AXIN1: variants seen among roughly 807,000 people sequenced by gnomAD.
The protein encoded by AXIN1 is axin 1.
In AXIN1, 30 loss-of-function variants were observed where a neutral mutation model predicts 76.4. The ratio of observed to expected loss-of-function variants is 0.39; its 90% confidence interval spans 0.29 to 0.53. AXIN1 has a LOEUF of 0.53. Ranked by LOEUF, AXIN1 falls within the 20% of genes least tolerant of loss-of-function variation. The probability of loss-of-function intolerance (pLI) is 0.66; values close to 1 mark genes in which losing one functional copy is unlikely to be tolerated. For missense variants in AXIN1, 1,140 were observed against 1,198.8 expected (o/e 0.95, Z 0.72); for synonymous variants, 545 against 501.4 (o/e 1.09, Z -1.16).
At chr16:332,225 G>A (rs1005090086) in intron 2 of AXIN1, among the ~76,000 whole-genome samples, 1 of 152,218 alleles carries the variant, frequency 6.6e-6, no homozygotes, top group Non-Finnish European at 1.5e-5. Flanking sequence ...TAGAGAACTC[G>A]CAGCAGCAAC....
At chr16:336,996 A>G (rs1013192426) in intron 2 of AXIN1, among the ~76,000 whole-genome samples, 1 of 151,368 alleles carries the variant, frequency 6.6e-6, no homozygotes, top group African/African-American at 2.4e-5. Flanking sequence ...AAAAACACAA[A>G]AAAATTAGCC....
intron 2 of AXIN1, among the ~76,000 whole-genome samples, chr16:315,851 A>AAAC (rs1368166703): frequency 1.3e-5 from 2 of 149,464 alleles, no homozygotes; most frequent in African/African-American, 4.9e-5. Context: ...AAAAAAAAAA[A>AAAC]AGAACAGCCT....
chr16:297,519 T>G (rs2052746849), intron 6 of AXIN1, among the ~76,000 whole-genome samples: 1 of 152,200 alleles, frequency 6.6e-6, no homozygotes, highest in Non-Finnish European at 1.5e-5. Flanking sequence ...AGGGTCGGGC[T>G]GTGTCCCCTA....
chr16:290,850 G>GC (rs1219566418), intron 9 of AXIN1: 1 of 423,372 alleles, frequency 2.4e-6, no homozygotes, highest in African/African-American at 2.0e-5. Context: ...GCAGGGACCG[G>GC]CCCGTTCCAA....
chr16:291,550 C>A, intron 8 of AXIN1: 1 of 559,222 alleles, frequency 1.8e-6, no homozygotes, highest in Non-Finnish European at 3.3e-6. Flanking sequence ...CTGGACCGCA[C>A]TTTGGGGAGC....
intron 2 of AXIN1, among the ~76,000 whole-genome samples, chr16:327,450 T>G (rs1187767708): frequency 6.6e-6 from 1 of 152,252 alleles, no homozygotes; most frequent in Non-Finnish European, 1.5e-5. Flanking sequence ...GGCCTCGCTG[T>G]GGTTCCACGC....
Position 346,283 on chromosome 16 carries a change from T to G in AXIN1, c.743A>C (p.Lys248Thr), listed in dbSNP as rs1461322523. ...LPTLNEDEEWKCDQDMDEDDG... is the reference protein window; with the variant it reads ...LPTLNEDEEWTCDQDMDEDDG... Reference sequence around the variant, plus strand: ...GTCCTCATCCATGTCCTGGTCACACTTCCATTCCTCATCTTCATTTAAGGT... The same window carrying G: ...GTCCTCATCCATGTCCTGGTCACACGTCCATTCCTCATCTTCATTTAAGGT... The change falls in exon 2 of 11, where the codon AAG (lysine) becomes ACG (threonine). Residue 248 changes from lysine (K) to threonine (T), a missense_variant. This residue lies in a region of AXIN1 where 708 missense variants were observed against 776.9 expected (regional missense o/e 0.91). Transcript: ENST00000262320. 9 of 1,614,212 alleles carry G rather than the reference T, an allele frequency of 5.6e-6. No individual in the cohort carries two copies. Among genetic ancestry groups the G allele is most frequent in the Non-Finnish European group, 7.6e-6 (9 of 1,180,030 alleles).
chr16:289,448 G>A lies in AXIN1; in HGVS notation c.2454C>T (p.Gly818=). ...CCAGCCCTCACACTCACCTGTAGCT[G>A]CCCTTTTTGGTCAGCAGCTCCTTGA... The part of the protein sequence containing the change: ...GQFKELLTKK[G]SYRYYFKKVS... The change falls in exon 10 of 11, where the codon GGC becomes GGT. Residue 818 remains glycine (G), a synonymous_variant. Transcript: ENST00000262320. The A allele has an allele frequency of 6.2e-7, 1 of 1,612,846 alleles. No individual in the cohort carries two copies. The highest frequency in any genetic ancestry group is 8.5e-7 in the Non-Finnish European group (1 of 1,179,994).
intron 2 of AXIN1, among the ~76,000 whole-genome samples, chr16:330,777 C>T (rs1048800266): frequency 2.6e-5 from 4 of 152,234 alleles, no homozygotes; most frequent in African/African-American, 9.6e-5. Context: ...CACCCTCACT[C>T]CAGCCTTCAC....
chr16:289,307 C>T (rs1263796945), intron 10 of AXIN1, 133 bp downstream of exon 10: 1 of 1,170,914 alleles, frequency 8.5e-7, no homozygotes, highest in Non-Finnish European at 1.2e-6. Context: ...CTGAGGCAAT[C>T]CGCCCACCTC....
Position 297,040 on chromosome 16 carries a change from C to T in AXIN1, c.1955+16G>A, listed in dbSNP as rs780195560. 7 of 1,608,614 alleles carry T rather than the reference C, an allele frequency of 4.4e-6. No homozygotes were observed. The highest frequency in any genetic ancestry group is 2.2e-5 in the East Asian group (1 of 44,888). ...AAAGCAGGCCCCACGAGGCTGGCTG[C>T]GTGCGGGGTGCTCACCCGTGGCCGG... is the stretch of plus-strand genomic sequence containing the variant. On this transcript the variant is annotated intron_variant, in intron 7 of 10. Transcript: ENST00000262320.
At chr16:295,173 T>A (rs1306430534) in intron 7 of AXIN1, among the ~76,000 whole-genome samples, 1 of 150,336 alleles carries the variant, frequency 6.7e-6, no homozygotes, top group Non-Finnish European at 1.5e-5. Flanking sequence ...ACCTCGGATC[T>A]CGGCTCACTG....
At chr16:341,218 C>G (rs1159226638) in intron 2 of AXIN1, among the ~76,000 whole-genome samples, 2 of 152,274 alleles carry the variant, frequency 1.3e-5, no homozygotes. Context: ...CCTTTCTGGG[C>G]TGGCCAAGGC....
In AXIN1 at chr16:307,563, G is replaced by A. The variant is rs532191898; in HGVS notation, c.1116+2410C>T. 2.6e-5 allele frequency among the ~76,000 whole-genome samples: 4 copies of A among 152,304 alleles called. No individual in the cohort carries two copies. The South Asian group carries it at 8.3e-4, about 32-fold the overall frequency. On this transcript the variant is annotated intron_variant, in intron 4 of 10. Coordinates refer to ENST00000262320, the MANE Select transcript of AXIN1 (RefSeq NM_003502.4). Reference sequence around the variant, plus strand: ...GTAGAAGACAATTTTTCCATGGACAGTGGGGGCAGGGGGCTTTTCGGGATG... The same window carrying A: ...GTAGAAGACAATTTTTCCATGGACAATGGGGGCAGGGGGCTTTTCGGGATG...
chr16:297,610 C>CT, intron 6 of AXIN1, 112 bp downstream of exon 6: 1 of 1,399,648 alleles, frequency 7.1e-7, no homozygotes, highest in Non-Finnish European at 9.4e-7. Flanking sequence ...GAGGGGCCTC[C>CT]TGCCTGTTGC....
At position 297,974 on chromosome 16, in the gene AXIN1, G is replaced by C. The variant is rs140190126; in HGVS notation, c.1532C>G (p.Ser511Trp). ...KMPVALGGAA[S>W]GHGKHVPKSG... Reference sequence around the variant, plus strand: ...CTTGGGTACGTGCTTCCCGTGCCCCGAGGCGGCACCCCCCAGTGCCACTGG... The same window carrying C: ...CTTGGGTACGTGCTTCCCGTGCCCCCAGGCGGCACCCCCCAGTGCCACTGG... The change falls in exon 6 of 11, where the codon TCG (serine) becomes TGG (tryptophan). Residue 511 changes from serine to tryptophan, a missense_variant. Physicochemically the swap from Ser to Trp is radical, Grantham distance 177 (BLOSUM62 -3). Coordinates refer to ENST00000262320, the MANE Select transcript of AXIN1 (RefSeq NM_003502.4). 1.2e-6 allele frequency: 2 copies of C among 1,601,188 alleles called. No homozygotes were observed. Among genetic ancestry groups the C allele is most frequent in the Admixed American group, 1.7e-5 (1 of 59,786 alleles).
At chr16:313,748 C>T (rs2053236884) in intron 3 of AXIN1, among the ~76,000 whole-genome samples, 1 of 152,254 alleles carries the variant, frequency 6.6e-6, no homozygotes, top group Non-Finnish European at 1.5e-5. Context: ...AGACTGTTGG[C>T]ATCATCTAAT....
chr16:302,059 G>A (rs2052887799), intron 5 of AXIN1, among the ~76,000 whole-genome samples: 1 of 152,222 alleles, frequency 6.6e-6, no homozygotes, highest in South Asian at 2.1e-4. Context: ...CAATGCCGCT[G>A]GCCTCAGGTG....
At chr16:306,924 C>T (rs948817087) in intron 4 of AXIN1, among the ~76,000 whole-genome samples, 7 of 152,340 alleles carry the variant, frequency 4.6e-5, no homozygotes, top group African/African-American at 1.7e-4. Flanking sequence ...GACGGCAGGG[C>T]GTCCACACAG....
Sources: gnomAD v4.1 joint callset for allele counts (sites outside exome capture counted in the v4.1 genomes callset) on GRCh38, gnomAD v4.1.1 for gene constraint, gnomAD v4.1.1 regional missense constraint, MANE v1.5 for transcripts, NCBI Gene and HGNC (gene_info 2026-07-23, HGNC 2026-07-21) for gene names.